The following CHRNA4 variants were observed in gnomAD, a reference collection of about 807,000 sequenced individuals.
CHRNA4 encodes the protein neuronal acetylcholine receptor subunit alpha-4.
In CHRNA4, 28 loss-of-function variants were observed where a neutral mutation model predicts 48.9. That is an observed-to-expected ratio of 0.57 (90% CI 0.42 to 0.79). The LOEUF (loss-of-function observed/expected upper bound fraction) is 0.79. Among genes scored for constraint, CHRNA4 ranks in the 30% least tolerant of loss-of-function variants. The probability of loss-of-function intolerance (pLI) is 0.00; values close to 1 mark genes in which losing one functional copy is unlikely to be tolerated. For synonymous variants in CHRNA4, 425 were observed against 402.3 expected (o/e 1.06, Z -0.68); for missense variants, 859 against 898.4 (o/e 0.96, Z 0.56).
intron 4 of CHRNA4, among the ~76,000 whole-genome samples, chr20:63,354,232 GCTGTGGTCCT>G (rs2068681833): frequency 2.4e-5 from 3 of 123,624 alleles, no homozygotes; most frequent in Non-Finnish European, 3.3e-5. Context: ...GTCCTAGGGG[GCTGTGGTCCT>G]AAATGGGGCT....
At chr20:63,352,458 G>A (rs563700324) in intron 4 of CHRNA4, among the ~76,000 whole-genome samples, 17 of 152,304 alleles carry the variant, frequency 1.1e-4, no homozygotes, top group Admixed American at 8.5e-4. Flanking sequence ...AGCTGCAGAG[G>A]GAGGGAGACC....
rs776675247 is a variant in CHRNA4, at chr20:63,350,703, G to C, written c.708C>G (p.Ala236=). 13 of 1,613,960 alleles carry C rather than the reference G, an allele frequency of 8.1e-6. No individual in the cohort carries two copies. The South Asian group carries it at 1.4e-4, about 18-fold the overall frequency. ...CAEIYPDITY[A]FVIRRLPLFY... The stretch of plus-strand genomic sequence containing the variant: ...AGAGCGGCAGCCGCCGGATGACGAA[G>C]GCATAGGTGATGTCCGGGTAGATCT... The change falls in exon 5 of 6, where the codon GCC becomes GCG. Residue 236 remains alanine (A), a synonymous_variant. Coordinates refer to ENST00000370263, the MANE Select transcript of CHRNA4 (RefSeq NM_000744.7).
At position 63,356,424 on chromosome 20, in the gene CHRNA4, C is replaced by T; in HGVS notation, c.229-9G>A. ...ATCTGGTTCTTCTCATCCTAGGGCA[C>T]CGAGAGAGGAAGGGGGCCAGTGACC... On this transcript the variant is annotated splice_polypyrimidine_tract_variant and intron_variant, in intron 2 of 5. Transcript: ENST00000370263. 5 of 1,599,774 alleles carry T rather than the reference C, an allele frequency of 3.1e-6. No homozygotes were observed. The highest frequency in any genetic ancestry group is 2.3e-5 in the South Asian group (2 of 88,424).
At chr20:63,359,417 G>A (rs1236393641) in intron 2 of CHRNA4, 131 bp downstream of exon 2, 6 of 1,199,680 alleles carry the variant, frequency 5.0e-6, no homozygotes, top group East Asian at 2.5e-5. Flanking sequence ...TCGTTCTGAC[G>A]TACCAGCCCG....
At chr20:63,359,901 G>A in intron 1 of CHRNA4, 1 of 298,880 alleles carries the variant, frequency 3.3e-6, no homozygotes, top group Non-Finnish European at 5.8e-6. Context: ...CGTGTGCTGT[G>A]TGTGTGTGTG....
In CHRNA4 at chr20:63,344,671, G is replaced by C. The variant is rs201578124; in HGVS notation, c.*2067C>G. 35 of 453,948 alleles carry C rather than the reference G, an allele frequency of 7.7e-5. No homozygotes were observed. Among genetic ancestry groups the C allele is most frequent in the Non-Finnish European group, 4.0e-5 (9 of 226,794 alleles). 28.1% of individuals were successfully genotyped at this position (453,948 alleles called of 1,614,324 possible). Reference sequence around the variant, plus strand: ...CCTGCAGCTGCCCACACATCTGGCAGCTGGGTCCACTTATGCAATGTGGAT... The same window carrying C: ...CCTGCAGCTGCCCACACATCTGGCACCTGGGTCCACTTATGCAATGTGGAT... On this transcript the variant is annotated 3_prime_UTR_variant, in exon 6 of 6. Coordinates refer to ENST00000370263, the MANE Select transcript of CHRNA4 (RefSeq NM_000744.7). This position sits in a 1 kb window ranked among gnomAD's most constrained non-coding sequence, Gnocchi z 4.5.
intron 5 of CHRNA4, among the ~76,000 whole-genome samples, chr20:63,347,150 A>G (rs2068508892): frequency 6.6e-6 from 1 of 152,184 alleles, no homozygotes; most frequent in Admixed American, 6.5e-5. Context: ...CAAGCTCTGC[A>G]CTATGCCCTG....
intron 4 of CHRNA4, 98 bp from the exon 5 acceptor site, chr20:63,351,125 A>ACCATCCACG (rs2068593710): frequency 8.6e-7 from 1 of 1,158,122 alleles, no homozygotes; most frequent in Non-Finnish European, 1.2e-6. Flanking sequence ...CCACACCCAC[A>ACCATCCACG]CCCACATCCA....
rs745956888 is a variant in CHRNA4 at position 63,356,134 on chromosome 20, G to C, written c.274-50C>G. 4.3e-6 allele frequency: 3 copies of C among 692,394 alleles called. No individual in the cohort carries two copies. In the South Asian group the frequency reaches 6.1e-5, roughly 14 times the overall value. The allele number at this position is 692,394 out of a possible 1,614,324, so 42.9% of individuals were successfully genotyped here. On this transcript the variant is annotated intron_variant, in intron 3 of 5. Transcript: ENST00000370263. The stretch of plus-strand genomic sequence containing the variant: ...GCTGCAGGGTGAGGGGTGTGGGGGA[G>C]GGCAGGGGCGGGACAGGGCCAGGGT...
Position 63,343,484 on chromosome 20 carries a change from C to T in CHRNA4, c.*3254G>A. ...AAGCCGCCTCTGCTCCAGGGGACAC[C>T]TAACCCAGCAGTCCCACAGCAGCTG... On this transcript the variant is annotated 3_prime_UTR_variant, in exon 6 of 6. Transcript: ENST00000370263. The T allele has an allele frequency of 2.2e-6, 1 of 454,176 alleles. No individual in the cohort carries two copies. The highest frequency in any genetic ancestry group is 4.4e-6 in the Non-Finnish European group (1 of 226,796). 28.1% of individuals were successfully genotyped at this position (454,176 alleles called of 1,614,324 possible).
intron 2 of CHRNA4, 110 bp from the exon 3 acceptor site, chr20:63,356,525 G>A: frequency 8.4e-7 from 1 of 1,186,956 alleles, no homozygotes; most frequent in African/African-American, 1.5e-5. Context: ...GGCAAGATAT[G>A]GTGGACGGGC....
chr20:63,354,228 GGGGGCTGTGGTCCTAAAT>G (rs2068681645), intron 4 of CHRNA4, among the ~76,000 whole-genome samples: 1 of 107,886 alleles, frequency 9.3e-6, no homozygotes. Flanking sequence ...TGTGGTCCTA[GGGGGCTGTGGTCCTAAAT>G]GGGGCTGTGG....
rs1319595108 is a variant in CHRNA4, at chr20:63,345,684, T to C, written c.*1054A>G. On this transcript the variant is annotated 3_prime_UTR_variant, in exon 6 of 6. Coordinates refer to ENST00000370263, the MANE Select transcript of CHRNA4 (RefSeq NM_000744.7). This position sits in a 1 kb window ranked among gnomAD's most constrained non-coding sequence, Gnocchi z 5.4. ...ACTTCCTGCCCCGAGGGTCCCAGCA[T>C]CTCCCAGGTGGAGGTCCTCAAGGAT... The C allele has an allele frequency of 4.4e-6, 2 of 453,836 alleles. No homozygotes were observed. The highest frequency in any genetic ancestry group is 3.1e-5 in the South Asian group (2 of 64,462). 28.1% of individuals were successfully genotyped at this position (453,836 alleles called of 1,614,324 possible). A position where few individuals can be genotyped will look rare whatever the true frequency, so the allele number is the denominator to read the frequency against.
Position 63,351,025 on chromosome 20 carries a change from G to A in CHRNA4, c.386C>T (p.Ala129Val). The part of the protein sequence containing the change: ...WRPDIVLYNN[A>V]DGDFAVTHLT... ...GTGGGTGACCGCGAAGTCCCCGTCA[G>A]CACTGGGCAGGAAGAGAGCGAAGGG... The change falls in exon 5 of 6, where the codon GCT (alanine) becomes GTT (valine). Residue 129 changes from alanine to valine, a missense_variant and splice_region_variant. Physicochemically the swap from Ala to Val is moderately conservative, Grantham distance 64 (BLOSUM62 0). This residue lies in a region of CHRNA4 where 342 missense variants were observed against 365.3 expected (regional missense o/e 0.94). Coordinates refer to ENST00000370263, the MANE Select transcript of CHRNA4 (RefSeq NM_000744.7). 1 of 1,612,004 alleles carries A rather than the reference G, an allele frequency of 6.2e-7. No individual in the cohort carries two copies. The highest frequency in any genetic ancestry group is 8.5e-7 in the Non-Finnish European group (1 of 1,179,692).
chr20:63,350,351 G>A lies in CHRNA4; in HGVS notation c.1060C>T (p.Arg354Cys), dbSNP rs758534439. ...GACGGCCGCTTCATGAGGAGCAGGC[G>A]TGGCACGATGTCCAGGAAGACCCTG... ...VRRVFLDIVP[R>C]LLLMKRPSVV... The change falls in exon 5 of 6, where the codon CGC becomes TGC. Residue 354 changes from arginine (R) to cysteine (C), a missense_variant. Physicochemically the swap from Arg to Cys is radical, Grantham distance 180. This residue lies in a region of CHRNA4 where 478 missense variants were observed against 455.4 expected (regional missense o/e 1.05). Coordinates refer to ENST00000370263, the MANE Select transcript of CHRNA4 (RefSeq NM_000744.7). The A allele has an allele frequency of 1.2e-5, 20 of 1,613,484 alleles. No individual in the cohort carries two copies. The highest frequency in any genetic ancestry group is 1.6e-4 in the Middle Eastern group (1 of 6,084).
rs776092779 is a variant in CHRNA4, at chr20:63,350,820, G to A, written c.591C>T (p.Arg197=). ...TCTCCCAGAAGTCCAGCTGGTCCAC[G>A]CGGCTGTGCATGTTCACCAGGTCGA... is the stretch of plus-strand genomic sequence containing the variant. ...AKIDLVNMHS[R]VDQLDFWESG... The change falls in exon 5 of 6, where the codon CGC becomes CGT. Residue 197 remains arginine (R), a synonymous_variant. Coordinates refer to ENST00000370263, the MANE Select transcript of CHRNA4 (RefSeq NM_000744.7). 10 of 1,613,960 alleles carry A rather than the reference G, an allele frequency of 6.2e-6. No homozygotes were observed. In the Admixed American group the frequency reaches 1.3e-4, roughly 22 times the overall value.
chr20:63,357,099 CA>C (rs1253585081), intron 2 of CHRNA4, among the ~76,000 whole-genome samples: 13 of 141,140 alleles, frequency 9.2e-5, no homozygotes, highest in African/African-American at 3.5e-4. Context: ...CACATCCCCA[CA>C]GGACCACATT....
intron 3 of CHRNA4, 37 bp downstream of exon 3, chr20:63,356,334 G>A (rs1277919787): frequency 7.1e-6 from 11 of 1,545,758 alleles, no homozygotes; most frequent in Admixed American, 3.8e-5. Flanking sequence ...GTGTGGGGGA[G>A]GGCAGGGGTG....
At chr20:63,354,589 GGGGGGCTGCAGTACTC>G (rs568168122) in intron 4 of CHRNA4, 1 of 592,618 alleles carries the variant, frequency 1.7e-6, no homozygotes, top group South Asian at 8.0e-5. Context: ...GTGGAAGTGG[GGGGGGCTGCAGTACTC>G]GGGGGGCTGT....
Sources: allele counts gnomAD v4.1 joint callset (sites outside exome capture counted in the v4.1 genomes callset), GRCh38; gene constraint gnomAD v4.1.1; regional missense constraint gnomAD v4.1.1; non-coding constraint Gnocchi (gnomAD v3.1); transcripts MANE v1.5; gene names NCBI Gene and HGNC (gene_info 2026-07-23, HGNC 2026-07-21).